E2F2: variants seen among roughly 807,000 people sequenced by gnomAD.
E2F2 encodes the protein transcription factor E2F2.
E2F2 carries 22 observed loss-of-function variants against 42.2 expected under a neutral mutation model. That is an observed-to-expected ratio of 0.52 (90% CI 0.37 to 0.74). E2F2 has a LOEUF of 0.74. Ranked by LOEUF, E2F2 falls within the 30% of genes least tolerant of loss-of-function variation. The probability of loss-of-function intolerance (pLI) is 0.00; values close to 1 mark genes in which losing one functional copy is unlikely to be tolerated. For missense variants in E2F2, 481 were observed against 557.8 expected (o/e 0.86, Z 1.39); for synonymous variants, 248 against 251.6 (o/e 0.99, Z 0.13).
chr1:23,527,446 A>G (rs1455408118), intron 1 of E2F2, among the ~76,000 whole-genome samples: 1 of 152,174 alleles, frequency 6.6e-6, no homozygotes, highest in East Asian at 1.9e-4. Context: ...GTCAGGACGC[A>G]AGCCCACCCT....
At chr1:23,517,201 G>C (rs967237730) in intron 5 of E2F2, among the ~76,000 whole-genome samples, 1 of 152,174 alleles carries the variant, frequency 6.6e-6, no homozygotes, top group Non-Finnish European at 1.5e-5. Context: ...AAGCCAGTTG[G>C]ACTTGGCTTT....
At chr1:23,511,514 A>C (rs1431550453) in intron 6 of E2F2, among the ~76,000 whole-genome samples, 2 of 151,988 alleles carry the variant, frequency 1.3e-5, no homozygotes, top group Non-Finnish European at 2.9e-5. Flanking sequence ...GGGATTACAG[A>C]CATGAGCCAC....
chr1:23,528,388 C>T (rs1643283893), intron 1 of E2F2, among the ~76,000 whole-genome samples: 1 of 152,198 alleles, frequency 6.6e-6, no homozygotes. Context: ...GGAGCTGTTC[C>T]AGGTCACGCC....
chr1:23,514,514 TAAAAG>T (rs1363817282), intron 6 of E2F2, among the ~76,000 whole-genome samples: 1 of 152,020 alleles, frequency 6.6e-6, no homozygotes, highest in African/African-American at 2.4e-5. Flanking sequence ...ATTCATGTGT[TAAAAG>T]AAGGGTTGAG....
At chr1:23,513,197 A>G (rs1313041983) in intron 6 of E2F2, among the ~76,000 whole-genome samples, 1 of 151,678 alleles carries the variant, frequency 6.6e-6, no homozygotes, top group Non-Finnish European at 1.5e-5. Flanking sequence ...GGAAATTTCA[A>G]GTGTCCCCAT....
chr1:23,515,226 C>G (rs1263515935), intron 6 of E2F2, among the ~76,000 whole-genome samples: 2 of 152,232 alleles, frequency 1.3e-5, no homozygotes, highest in Non-Finnish European at 2.9e-5. Context: ...CAGGAAAAGG[C>G]AAAAACTGTT....
rs2075999 is a variant in E2F2, at chr1:23,523,933, G to A, written c.358+450C>T. On this transcript the variant is annotated intron_variant, in intron 2 of 6. Coordinates refer to ENST00000361729, the MANE Select transcript of E2F2 (RefSeq NM_004091.4). ...TACTAAAAATACAAAAATTAGGCAG[G>A]GATGGTGGCATGTACCTGTAGTCCC... 4.2e-3 allele frequency among the ~76,000 whole-genome samples: 638 copies of A among 152,046 alleles called. 25 individuals carry two copies. The East Asian group carries it at 0.096, about 23-fold the overall frequency.
Position 23,530,808 on chromosome 1 carries a change from C to A in E2F2, c.-15G>T, listed in dbSNP as rs1453914157. On this transcript the variant is annotated 5_prime_UTR_variant, in exon 1 of 7. Transcript: ENST00000361729. The surrounding 1 kb of genome is among the most constrained non-coding windows in gnomAD (Gnocchi z 4.4). ...CCTTGCAGCATAGCGAGTAAGGCGCCCCCTACCCAAAAGGGCTTGGCGCGC... is the reference window on the plus strand; with the variant it reads ...CCTTGCAGCATAGCGAGTAAGGCGCACCCTACCCAAAAGGGCTTGGCGCGC... 5 of 1,490,572 alleles carry A rather than the reference C, an allele frequency of 3.4e-6. No individual in the cohort carries two copies. In the East Asian group the frequency reaches 9.8e-5, roughly 29 times the overall value. The allele number at this position is 1,490,572 out of a possible 1,614,324, so 92.3% of individuals were successfully genotyped here. A position where few individuals can be genotyped will look rare whatever the true frequency, so the allele number is the denominator to read the frequency against.
chr1:23,520,183 T>G (rs1570464774), intron 4 of E2F2, among the ~76,000 whole-genome samples: 1 of 126,772 alleles, frequency 7.9e-6, no homozygotes, highest in Middle Eastern at 5.6e-3. Context: ...GAGGTGGAGG[T>G]TGCAGCGAGC....
At chr1:23,514,994 C>A (rs1006233136) in intron 6 of E2F2, among the ~76,000 whole-genome samples, 3 of 152,102 alleles carry the variant, frequency 2.0e-5, no homozygotes, top group Non-Finnish European at 4.4e-5. Flanking sequence ...CAGATTTGAC[C>A]TGCAGGCAAT....
Position 23,524,503 on chromosome 1 carries a change from G to GGA in E2F2, c.253-17_253-16dup, listed in dbSNP as rs771324453. ...TTCCTTTTGGCCTTGGAGAAAAGGGGGAGAGAGAGGCAGAGTTTGAGAATC... is the reference window on the plus strand; with the variant it reads ...TTCCTTTTGGCCTTGGAGAAAAGGGGGAGAGAGAGAGGCAGAGTTTGAGAATC... On this transcript the variant is annotated splice_polypyrimidine_tract_variant and intron_variant, in intron 1 of 6. Transcript: ENST00000361729. The GGA allele has an allele frequency of 5.0e-6, 8 of 1,610,042 alleles. No individual in the cohort carries two copies. In the South Asian group the frequency reaches 8.8e-5, roughly 18 times the overall value.
chr1:23,530,462 A>T lies in E2F2; in HGVS notation c.252+80T>A. 6.4e-7 allele frequency: 1 copy of T among 1,555,032 alleles called. No individual in the cohort carries two copies. The highest frequency in any genetic ancestry group is 8.7e-7 in the Non-Finnish European group (1 of 1,153,942). On this transcript the variant is annotated intron_variant, in intron 1 of 6. Transcript: ENST00000361729. This position sits in a 1 kb window ranked among gnomAD's most constrained non-coding sequence, Gnocchi z 4.4. ...CCCAAAACTCTACCTGCTCCACTCAAACTGGATCTCAGGCACCCCTCCCTC... is the reference window on the plus strand; with the variant it reads ...CCCAAAACTCTACCTGCTCCACTCATACTGGATCTCAGGCACCCCTCCCTC...
chr1:23,514,224 C>T (rs980032618), intron 6 of E2F2, among the ~76,000 whole-genome samples: 1 of 152,062 alleles, frequency 6.6e-6, no homozygotes, highest in Non-Finnish European at 1.5e-5. Flanking sequence ...GTTCCAGCTT[C>T]GGAGGGCTAT....
rs3218165 is a variant in E2F2 at position 23,522,262 on chromosome 1, C to T, written c.359-206G>A. On this transcript the variant is annotated intron_variant, in intron 2 of 6. Transcript: ENST00000361729. Reference sequence around the variant, plus strand: ...GGAAGGTGACTTGCTTAAGGTCTCACGGCCAATGGGCAGTGTTGGAAGCCT... The same window carrying T: ...GGAAGGTGACTTGCTTAAGGTCTCATGGCCAATGGGCAGTGTTGGAAGCCT... Among the ~76,000 whole-genome samples the T allele has an allele frequency of 3.9e-4, 60 of 152,358 alleles. 1 individual carries two copies. The South Asian group carries it at 0.011, about 28-fold the overall frequency.
chr1:23,514,457 G>C (rs1351499496), intron 6 of E2F2, among the ~76,000 whole-genome samples: 4 of 152,178 alleles, frequency 2.6e-5, no homozygotes, highest in African/African-American at 2.4e-5. Context: ...CCATCAACTT[G>C]CTGTGTGACC....
At chr1:23,527,278 T>C (rs530631107) in intron 1 of E2F2, among the ~76,000 whole-genome samples, 35 of 152,264 alleles carry the variant, frequency 2.3e-4, no homozygotes, top group African/African-American at 8.4e-4. Flanking sequence ...CACTGATGTA[T>C]GGGGAGCACC....
intron 6 of E2F2, among the ~76,000 whole-genome samples, chr1:23,512,985 G>A (rs1014964645): frequency 6.6e-6 from 1 of 152,006 alleles, no homozygotes; most frequent in Non-Finnish European, 1.5e-5. Context: ...GCTAATTTTT[G>A]TATTTGTAGT....
At position 23,518,029 on chromosome 1, in the gene E2F2, G is replaced by A. The variant is rs1015556284; in HGVS notation, c.852+987C>T. 2.0e-5 allele frequency among the ~76,000 whole-genome samples: 3 copies of A among 152,182 alleles called. No individual in the cohort carries two copies. The South Asian group carries it at 6.2e-4, about 32-fold the overall frequency. On this transcript the variant is annotated intron_variant, in intron 5 of 6. Coordinates refer to ENST00000361729, the MANE Select transcript of E2F2 (RefSeq NM_004091.4). ...TACAAAAAAAACAAAAAATGTGCTA[G>A]GCATGGTGGCATGCACCTGTGGTCC...
At chr1:23,518,190 G>A (rs3218182) in intron 5 of E2F2, among the ~76,000 whole-genome samples, 209 of 150,370 alleles carry the variant, frequency 1.4e-3, no homozygotes, top group African/African-American at 4.8e-3. Flanking sequence ...CAAATAGGTT[G>A]AGTGTGGTGG....
Sources: gnomAD v4.1 joint callset for allele counts (sites outside exome capture counted in the v4.1 genomes callset) on GRCh38, gnomAD v4.1.1 for gene constraint, Gnocchi (gnomAD v3.1) non-coding constraint, MANE v1.5 for transcripts, NCBI Gene and HGNC (gene_info 2026-07-23, HGNC 2026-07-21) for gene names.